Variants in CLIC5 observed in about 807,000 individuals in gnomAD.
CLIC5 encodes chloride intracellular channel protein 5.
In CLIC5, 20 loss-of-function variants were observed where a neutral mutation model predicts 24.7. The observed-to-expected ratio is 0.81, with a 90% CI of 0.57 to 1.18. The LOEUF is 1.18. Ranked by LOEUF, CLIC5 falls within the 50% of genes most tolerant of loss-of-function variation. The pLI, the probability that CLIC5 is intolerant of heterozygous loss-of-function variation, is 0.00. For synonymous variants in CLIC5, 159 were observed against 135.6 expected, an observed-to-expected ratio of 1.17 and a Z score of -1.20; for missense variants, 341 against 326.1, an observed-to-expected ratio of 1.05 and a Z score of -0.35.
intron 6 of CLIC5, among the ~76,000 whole-genome samples, chr6:45,889,135 A>C (rs919887749): frequency 6.6e-6 from 1 of 152,208 alleles, no homozygotes; most frequent in Non-Finnish European, 1.5e-5. Context: ...GCTTATGAAC[A>C]ACAGAAATTT....
rs193199656 is a variant in CLIC5 at position 45,918,045 on chromosome 6, G to T, written c.407-3636C>A. Among the ~76,000 whole-genome samples, 4 of 152,238 alleles carry T rather than the reference G, an allele frequency of 2.6e-5. No homozygotes were observed. The East Asian group carries it at 7.7e-4, about 29-fold the overall frequency. On this transcript the variant is annotated intron_variant, in intron 4 of 5. Transcript: ENST00000339561. ...TTGATAGATACCCAGTGTTTTAACT[G>T]CTTTCTTCCCCTCTCCGCCTCTGCT...
chr6:46,022,786 G>A (rs1444201281), intron 1 of CLIC5, among the ~76,000 whole-genome samples: 3 of 152,002 alleles, frequency 2.0e-5, no homozygotes, highest in Admixed American at 6.6e-5. Context: ...CAGTGTTTTC[G>A]GGGTGTCTAC....
At chr6:46,036,865 A>C (rs1279970253) in intron 1 of CLIC5, among the ~76,000 whole-genome samples, 1 of 152,240 alleles carries the variant, frequency 6.6e-6, no homozygotes, top group Non-Finnish European at 1.5e-5. Context: ...CTTGTTCTTA[A>C]GAATCACTGC....
Position 45,902,444 on chromosome 6 carries a change from C to A in CLIC5, c.*644G>T, listed in dbSNP as rs190603204. ...AGCCAGGGACAGCATGGGCCAGGTG[C>A]GCAGCAGCAGCAGCGCAGCATTCCT... On this transcript the variant is annotated 3_prime_UTR_variant, in exon 6 of 6. Coordinates refer to ENST00000339561, the MANE Select transcript of CLIC5 (RefSeq NM_016929.5). 97 of 153,258 alleles carry A rather than the reference C, an allele frequency of 6.3e-4. No individual in the cohort carries two copies. The highest frequency in any genetic ancestry group is 1.2e-3 in the Non-Finnish European group (80 of 68,416). 9.5% of individuals were successfully genotyped at this position (153,258 alleles called of 1,614,324 possible). A position where few individuals can be genotyped will look rare whatever the true frequency, so the allele number is the denominator to read the frequency against.
At chr6:46,050,413 C>T (rs147185044) in intron 1 of CLIC5, among the ~76,000 whole-genome samples, 2 of 152,244 alleles carry the variant, frequency 1.3e-5, no homozygotes, top group African/African-American at 4.8e-5. Flanking sequence ...ACCATTTGTC[C>T]AAGCACAAAG....
At chr6:46,017,536 A>G (rs114037772), upstream of CLIC5, among the ~76,000 whole-genome samples, 512 of 152,338 alleles carry the variant, frequency 3.4e-3, 2 homozygotes, top group African/African-American at 0.012. Context: ...TGTCCTCTCA[A>G]CTGCTCTACA....
At chr6:45,907,636 G>A (rs1015138429) in intron 5 of CLIC5, among the ~76,000 whole-genome samples, 4 of 152,152 alleles carry the variant, frequency 2.6e-5, no homozygotes, top group East Asian at 1.9e-4. Context: ...AAATTCAGCT[G>A]TGAATCCACC....
At chr6:46,017,766 T>C (rs1767061340), upstream of CLIC5, among the ~76,000 whole-genome samples, 1 of 152,234 alleles carries the variant, frequency 6.6e-6, no homozygotes, top group Admixed American at 6.5e-5. Flanking sequence ...AAAGGCTTCA[T>C]GGAGCAAAAG....
intron 1 of CLIC5, among the ~76,000 whole-genome samples, chr6:46,011,604 ACTTGCGGCGAG>A (rs1219227370): frequency 6.6e-6 from 1 of 152,200 alleles, no homozygotes; most frequent in Non-Finnish European, 1.5e-5. Context: ...CTGAAGAGAC[ACTTGCGGCGAG>A]CTTGTCTGTA....
chr6:46,014,196 T>C (rs1766909126), intron 1 of CLIC5: 1 of 152,210 alleles, frequency 6.6e-6, no homozygotes, highest in Admixed American at 6.5e-5. Context: ...AACAAACCTT[T>C]GTGGTAGGCT....
intron 4 of CLIC5, among the ~76,000 whole-genome samples, chr6:45,929,874 G>A (rs1763659406): frequency 2.0e-5 from 3 of 152,276 alleles, no homozygotes; most frequent in Admixed American, 1.3e-4. Context: ...TTTTACACAC[G>A]GCCTTAGCTT....
At chr6:45,883,437 T>A (rs1277958796) in intron 6 of CLIC5, among the ~76,000 whole-genome samples, 2 of 152,172 alleles carry the variant, frequency 1.3e-5, no homozygotes, top group Non-Finnish European at 2.9e-5. Context: ...AAGGTGGAAG[T>A]AGAGCATGGG....
chr6:46,082,586 T>C (rs1342165397), upstream of CLIC5, among the ~76,000 whole-genome samples: 2 of 152,220 alleles, frequency 1.3e-5, no homozygotes, highest in South Asian at 2.1e-4. Flanking sequence ...GGAACACTCC[T>C]GGATATTCCC....
chr6:45,958,409 G>C (rs1764716496), intron 1 of CLIC5, among the ~76,000 whole-genome samples: 1 of 40,180 alleles, frequency 2.5e-5, no homozygotes, highest in Non-Finnish European at 5.6e-5. Flanking sequence ...TCAGGGAAGT[G>C]TCAAAAAGAC....
At chr6:46,006,645 T>G (rs1766593874) in intron 1 of CLIC5, among the ~76,000 whole-genome samples, 1 of 151,880 alleles carries the variant, frequency 6.6e-6, no homozygotes, top group African/African-American at 2.4e-5. Context: ...CTCACGTGCC[T>G]CATTCCTCCC....
chr6:45,924,591 T>G (rs1763403680), intron 4 of CLIC5, among the ~76,000 whole-genome samples: 1 of 152,152 alleles, frequency 6.6e-6, no homozygotes, highest in South Asian at 2.1e-4. Flanking sequence ...TGACTCAGAT[T>G]TTTCCAGCAC....
Position 45,980,866 on chromosome 6 carries a change from T to C in CLIC5, c.64-25622A>G, listed in dbSNP as rs76060532. Among the ~76,000 whole-genome samples, 1,131 of 152,294 alleles carry C rather than the reference T, an allele frequency of 7.4e-3. 15 individuals carry two copies. Among genetic ancestry groups the C allele is most frequent in the African/African-American group, 0.025 (1,021 of 41,546 alleles). ...ACTCTCAAAAAGAGAATTCTATAAC[T>C]CATTGTGTCTTTTTTCCCTCCTTGC... On this transcript the variant is annotated intron_variant, in intron 1 of 5. Transcript: ENST00000339561.
chr6:45,947,544 C>T (rs1173300180), intron 3 of CLIC5, among the ~76,000 whole-genome samples: 1 of 152,190 alleles, frequency 6.6e-6, no homozygotes, highest in Admixed American at 6.5e-5. Context: ...CCACTTTCCA[C>T]TTCCTAATGA....
chr6:46,050,078 C>T (rs1034045207), intron 1 of CLIC5, among the ~76,000 whole-genome samples: 1 of 152,154 alleles, frequency 6.6e-6, no homozygotes, highest in Admixed American at 6.5e-5. Flanking sequence ...CAATATATCT[C>T]CTCAGCAGCA....
Sources: gnomAD v4.1 joint callset for allele counts (sites outside exome capture counted in the v4.1 genomes callset) on GRCh38, gnomAD v4.1.1 for gene constraint, MANE v1.5 for transcripts, NCBI Gene and HGNC (gene_info 2026-07-23, HGNC 2026-07-21) for gene names.